SPINK8: variants seen among roughly 807,000 people sequenced by gnomAD.
SPINK8 encodes serine peptidase inhibitor Kazal type 8 (putative).
Under a neutral mutation model 14.4 loss-of-function variants are expected in SPINK8, and 12 were observed. The ratio of observed to expected loss-of-function variants is 0.83; its 90% CI spans 0.53 to 1.35. SPINK8 has a LOEUF of 1.35. Among genes scored for constraint, SPINK8 ranks in the 40% most tolerant of loss-of-function variants. SPINK8 has a pLI of 0.00. For missense variants in SPINK8, 103 were observed against 117.0 expected (o/e 0.88, Z 0.55); for synonymous variants, 32 against 37.6 (o/e 0.85, Z 0.55).
chr3:48,325,427 ATTT>A (rs60106004), intron 4 of SPINK8, among the ~76,000 whole-genome samples: 2 of 140,194 alleles, frequency 1.4e-5, no homozygotes, highest in Non-Finnish European at 1.5e-5. Context: ...TAACGTTGTA[ATTT>A]TTTTTTTTTT....
Position 48,318,275 on chromosome 3 carries a change from G to A in SPINK8, c.239+1222C>T, listed in dbSNP as rs1468700174. Among the ~76,000 whole-genome samples the A allele has an allele frequency of 2.0e-5, 3 of 151,980 alleles. No individual in the cohort carries two copies. In the East Asian group the frequency reaches 5.8e-4, roughly 29 times the overall value. The stretch of plus-strand genomic sequence containing the variant: ...TCTGCCTCATCCTCCTGAGTAGCTG[G>A]GATTACAGGCATGCACCACCACACC... On this transcript the variant is annotated intron_variant, in intron 6 of 7. Transcript: ENST00000434006.
chr3:48,329,225 T>G lies in SPINK8; in HGVS notation c.-86A>C, dbSNP rs992732305. On this transcript the variant is annotated 5_prime_UTR_variant, in exon 3 of 8. Coordinates refer to ENST00000434006, the MANE Select transcript of SPINK8 (RefSeq NM_001080525.3). ...GTTTTTGTTGATAGTTTGTTCATAA[T>G]GAACTAGGAAGGAAGGCAAAGCTTA... Among the ~76,000 whole-genome samples, 4 of 152,244 alleles carry G rather than the reference T, an allele frequency of 2.6e-5. No individual in the cohort carries two copies. Among genetic ancestry groups the G allele is most frequent in the African/African-American group, 7.2e-5 (3 of 41,460 alleles).
chr3:48,327,108 C>A (rs1382497199), intron 4 of SPINK8, among the ~76,000 whole-genome samples: 1 of 152,168 alleles, frequency 6.6e-6, no homozygotes, highest in Non-Finnish European at 1.5e-5. Context: ...GTAAGGGCCA[C>A]ATCACAAAGG....
At position 48,319,636 on chromosome 3, in the gene SPINK8, AC is replaced by A; in HGVS notation, c.118-19del. 3 of 1,613,756 alleles carry A rather than the reference AC, an allele frequency of 1.9e-6. No homozygotes were observed. The highest frequency in any genetic ancestry group is 2.5e-6 in the Non-Finnish European group (3 of 1,179,764). ...CATTCAACCTGAAGGTGAGACACAC[AC>A]AACTGCTTCAGACACTTTCATCCAG... On this transcript the variant is annotated intron_variant, in intron 5 of 7. Coordinates refer to ENST00000434006, the MANE Select transcript of SPINK8 (RefSeq NM_001080525.3).
intron 5 of SPINK8, among the ~76,000 whole-genome samples, chr3:48,320,359 C>T (rs1213136861): frequency 6.6e-6 from 1 of 151,968 alleles, no homozygotes; most frequent in Admixed American, 6.6e-5. Context: ...ACCAGCCTGG[C>T]CAACATGGTG....
intron 6 of SPINK8, among the ~76,000 whole-genome samples, chr3:48,315,876 G>A (rs749520811): frequency 2.0e-5 from 3 of 151,982 alleles, no homozygotes; most frequent in Non-Finnish European, 2.9e-5. Context: ...TTCTAAAGTT[G>A]AAAATTACAA....
intron 6 of SPINK8, among the ~76,000 whole-genome samples, chr3:48,310,185 A>C (rs544977170): frequency 1.3e-5 from 2 of 152,256 alleles, no homozygotes; most frequent in East Asian, 3.9e-4. Context: ...TTGAAAATTC[A>C]AGTAGAAATA....
intron 6 of SPINK8, among the ~76,000 whole-genome samples, chr3:48,314,316 T>C (rs1166417379): frequency 1.3e-5 from 2 of 151,640 alleles, no homozygotes; most frequent in Non-Finnish European, 2.9e-5. Context: ...AGAATCAAGT[T>C]TTCCAGAATT....
intron 6 of SPINK8, among the ~76,000 whole-genome samples, chr3:48,315,970 A>G (rs1042621915): frequency 6.6e-6 from 1 of 152,164 alleles, no homozygotes. Flanking sequence ...TTGAAGATAG[A>G]CCAATGAATA....
Position 48,329,333 on chromosome 3 carries a change from T to G in SPINK8, c.-135-59A>C, listed in dbSNP as rs544631425. ...GAAGTGTAGATATGACTCAAATCTATTTCTTTCAACTCTAAATTCTGTAAT... is the reference window on the plus strand; with the variant it reads ...GAAGTGTAGATATGACTCAAATCTAGTTCTTTCAACTCTAAATTCTGTAAT... On this transcript the variant is annotated intron_variant, in intron 2 of 7. Transcript: ENST00000434006. Among the ~76,000 whole-genome samples, 5 of 152,344 alleles carry G rather than the reference T, an allele frequency of 3.3e-5. No homozygotes were observed. In the South Asian group the frequency reaches 8.3e-4, roughly 25 times the overall value.
At chr3:48,315,086 A>G (rs766408843) in intron 6 of SPINK8, among the ~76,000 whole-genome samples, 3 of 152,332 alleles carry the variant, frequency 2.0e-5, no homozygotes, top group South Asian at 2.1e-4. Context: ...TTTTTTTCCA[A>G]TCATTAGCTG....
At chr3:48,321,905 T>C (rs2036081477) in intron 4 of SPINK8, among the ~76,000 whole-genome samples, 1 of 151,086 alleles carries the variant, frequency 6.6e-6, no homozygotes, top group African/African-American at 2.4e-5. Context: ...CTCAACTACC[T>C]GGGCTCAAGT....
At chr3:48,326,405 C>T (rs1308249334) in intron 4 of SPINK8, among the ~76,000 whole-genome samples, 2 of 152,036 alleles carry the variant, frequency 1.3e-5, no homozygotes, top group African/African-American at 4.8e-5. Context: ...GTCAGGAGTT[C>T]AAGACCAGCC....
Position 48,307,540 on chromosome 3 carries a change from C to G in SPINK8, c.283-537G>C, listed in dbSNP as rs1261960952. Among the ~76,000 whole-genome samples, 32 of 71,502 alleles carry G rather than the reference C, an allele frequency of 4.5e-4. 1 individual carries two copies. In the Admixed American group the frequency reaches 4.7e-3, roughly 10 times the overall value. 46.9% of individuals were successfully genotyped at this position (71,502 alleles called of 152,430 possible). On this transcript the variant is annotated intron_variant, in intron 7 of 7. Coordinates refer to ENST00000434006, the MANE Select transcript of SPINK8 (RefSeq NM_001080525.3). ...TCTCTCTCCCTCCCTATCTGCCCCCCACCCCCCCACCTCTTCTGGAATTAT... is the reference window on the plus strand; with the variant it reads ...TCTCTCTCCCTCCCTATCTGCCCCCGACCCCCCCACCTCTTCTGGAATTAT...
chr3:48,325,503 C>A (rs2036126691), intron 4 of SPINK8, among the ~76,000 whole-genome samples: 1 of 151,666 alleles, frequency 6.6e-6, no homozygotes, highest in Non-Finnish European at 1.5e-5. Flanking sequence ...TGGCTCACTG[C>A]AACCTCCACC....
At chr3:48,312,148 A>T (rs1477272469) in intron 6 of SPINK8, among the ~76,000 whole-genome samples, 1 of 152,036 alleles carries the variant, frequency 6.6e-6, no homozygotes, top group East Asian at 1.9e-4. Context: ...AAAAAAAAAA[A>T]AGTATAATAA....
intron 4 of SPINK8, among the ~76,000 whole-genome samples, chr3:48,326,887 G>C (rs996935113): frequency 1.3e-5 from 2 of 151,484 alleles, no homozygotes; most frequent in Non-Finnish European, 2.9e-5. Context: ...CTCCAGCCTG[G>C]GTAACAGCAA....
chr3:48,317,641 G>A (rs935487019), intron 6 of SPINK8, among the ~76,000 whole-genome samples: 9 of 151,450 alleles, frequency 5.9e-5, no homozygotes, highest in African/African-American at 2.2e-4. Flanking sequence ...TGAGCCTCCT[G>A]AGTAGCTGGG....
chr3:48,330,159 T>A (rs1213769507), intron 2 of SPINK8, among the ~76,000 whole-genome samples: 1 of 152,158 alleles, frequency 6.6e-6, no homozygotes, highest in Non-Finnish European at 1.5e-5. Context: ...AATTTTTGCT[T>A]TTAATCCCTC....
Sources: gnomAD v4.1 joint callset for allele counts (sites outside exome capture counted in the v4.1 genomes callset) on GRCh38, gnomAD v4.1.1 for gene constraint, MANE v1.5 for transcripts, NCBI Gene and HGNC (gene_info 2026-07-23, HGNC 2026-07-21) for gene names.